Variants in TSC22D1 observed in about 807,000 individuals in gnomAD.
TSC22D1 encodes the protein TSC22 domain family member 1, also known as TSC22 domain family protein 1.
Under a neutral mutation model 74.2 loss-of-function variants are expected in TSC22D1, and 9 were observed. That is an observed-to-expected ratio of 0.12 (90% confidence interval 0.07 to 0.21). The LOEUF (loss-of-function observed/expected upper bound fraction) is 0.21, where lower values mean the gene tolerates loss of function less well. Ranked by LOEUF, TSC22D1 falls within the 10% of genes least tolerant of loss-of-function variation. The pLI is 1.00. For missense variants in TSC22D1, 1,427 were observed against 1,304.7 expected, an observed-to-expected ratio of 1.09 and a Z score of -1.44; for synonymous variants, 586 against 492.5, an observed-to-expected ratio of 1.19 and a Z score of -2.51.
At position 44,520,671 on chromosome 13, in the gene TSC22D1, T is replaced by C. The variant is rs113435869; in HGVS notation, c.2912+52492A>G. Among the ~76,000 whole-genome samples the C allele has an allele frequency of 5.3e-3, 806 of 152,260 alleles. 1 individual carries two copies. The highest frequency in any genetic ancestry group is 0.01 in the Middle Eastern group (3 of 294). Reference sequence around the variant, plus strand: ...CTCAGATAGCAGAGGTGATAAGATATAGAGCATAGGTGAAGCTGAAGGAAG... The same window carrying C: ...CTCAGATAGCAGAGGTGATAAGATACAGAGCATAGGTGAAGCTGAAGGAAG... On this transcript the variant is annotated intron_variant, in intron 1 of 2. Transcript: ENST00000458659.
At chr13:44,517,873 T>TTTTTTTTTTTTTC (rs1161219206) in intron 1 of TSC22D1, among the ~76,000 whole-genome samples, 2 of 109,418 alleles carry the variant, frequency 1.8e-5, no homozygotes, top group Non-Finnish European at 3.9e-5. Context: ...TTTTTTTTTT[T>TTTTTTTTTTTTTC]TTTTTTAACA....
intron 1 of TSC22D1, among the ~76,000 whole-genome samples, chr13:44,442,429 C>T (rs1485466977): frequency 6.6e-6 from 1 of 151,986 alleles, no homozygotes; most frequent in Non-Finnish European, 1.5e-5. Flanking sequence ...TAGAGGAAAA[C>T]ATTAGCATAT....
At chr13:44,525,033 C>T (rs1211972566) in intron 1 of TSC22D1, among the ~76,000 whole-genome samples, 2 of 152,150 alleles carry the variant, frequency 1.3e-5, no homozygotes, top group East Asian at 1.9e-4. Flanking sequence ...TAACCAACAG[C>T]GGGTATATCA....
chr13:44,441,891 C>T (rs1875233324), intron 1 of TSC22D1, among the ~76,000 whole-genome samples: 1 of 152,038 alleles, frequency 6.6e-6, no homozygotes, highest in African/African-American at 2.4e-5. Flanking sequence ...AGGAAACTAC[C>T]CGAGGCTGGG....
At chr13:44,549,197 T>G (rs1882032008) in intron 1 of TSC22D1, among the ~76,000 whole-genome samples, 1 of 152,144 alleles carries the variant, frequency 6.6e-6, no homozygotes, top group Non-Finnish European at 1.5e-5. Flanking sequence ...TTGCCTTATC[T>G]CAACTTGAAT....
At chr13:44,486,919 G>A (rs1163749339) in intron 1 of TSC22D1, among the ~76,000 whole-genome samples, 1 of 151,972 alleles carries the variant, frequency 6.6e-6, no homozygotes, top group East Asian at 1.9e-4. Context: ...TCTAAAATAT[G>A]CTATGAAGTA....
At chr13:44,547,718 T>G (rs1262349139) in intron 1 of TSC22D1, among the ~76,000 whole-genome samples, 4 of 152,192 alleles carry the variant, frequency 2.6e-5, no homozygotes, top group African/African-American at 4.8e-5. Flanking sequence ...AGGTAAATAT[T>G]CATAACTTTT....
chr13:44,439,237 C>T (rs1490861607), intron 1 of TSC22D1, among the ~76,000 whole-genome samples: 1 of 152,228 alleles, frequency 6.6e-6, no homozygotes, highest in Non-Finnish European at 1.5e-5. Flanking sequence ...CTTCTACATA[C>T]ATCCTTGAAC....
At chr13:44,512,679 A>AT (rs1462197729) in intron 1 of TSC22D1, among the ~76,000 whole-genome samples, 2 of 151,782 alleles carry the variant, frequency 1.3e-5, no homozygotes, top group East Asian at 3.9e-4. Context: ...GTTTTTTGAG[A>AT]TGGAGTCTTG....
At chr13:44,511,514 A>C (rs1879713764) in intron 1 of TSC22D1, among the ~76,000 whole-genome samples, 1 of 152,180 alleles carries the variant, frequency 6.6e-6, no homozygotes. Context: ...AGTTTTATTT[A>C]TCGCTAACAT....
chr13:44,514,571 A>C lies in TSC22D1; in HGVS notation c.2912+58592T>G, dbSNP rs147048775. 1.1e-4 allele frequency among the ~76,000 whole-genome samples: 17 copies of C among 152,148 alleles called. No individual in the cohort carries two copies. In the East Asian group the frequency reaches 2.5e-3, roughly 23 times the overall value. On this transcript the variant is annotated intron_variant, in intron 1 of 2. Coordinates refer to ENST00000458659, the MANE Select transcript of TSC22D1 (RefSeq NM_183422.4). ...CGGAAACACAAATATTTATAAAAAG[A>C]AGTTTAGGCCAGGTACCGTGACTCA... is the stretch of plus-strand genomic sequence containing the variant.
rs1362404930 is a variant in TSC22D1, at chr13:44,433,797, T to C, written c.*829A>G. The C allele has an allele frequency of 3.6e-6, 2 of 549,284 alleles. No homozygotes were observed. The highest frequency in any genetic ancestry group is 6.1e-6 in the Non-Finnish European group (2 of 326,810). The allele number at this position is 549,284 out of a possible 1,614,324, so 34.0% of individuals were successfully genotyped here. The stretch of plus-strand genomic sequence containing the variant: ...TCAGATTACACAAAGTGAGTAACTG[T>C]GCCAAATTCTTAAAATTTCTTTAGG... On this transcript the variant is annotated 3_prime_UTR_variant, in exon 3 of 3. Coordinates refer to ENST00000458659, the MANE Select transcript of TSC22D1 (RefSeq NM_183422.4).
At chr13:44,490,496 T>G (rs750861927) in intron 1 of TSC22D1, among the ~76,000 whole-genome samples, 1 of 151,972 alleles carries the variant, frequency 6.6e-6, no homozygotes, top group Non-Finnish European at 1.5e-5. Flanking sequence ...TAATTAAAGA[T>G]ATAAATGTTC....
chr13:44,470,224 T>C (rs1285793038), intron 1 of TSC22D1, among the ~76,000 whole-genome samples: 1 of 152,160 alleles, frequency 6.6e-6, no homozygotes, highest in African/African-American at 2.4e-5. Context: ...AAATCTTTTA[T>C]AACAGGTTCG....
intron 1 of TSC22D1, among the ~76,000 whole-genome samples, chr13:44,517,302 G>A (rs952491042): frequency 6.6e-6 from 1 of 150,766 alleles, no homozygotes; most frequent in African/African-American, 2.4e-5. Flanking sequence ...GAGAGCAATA[G>A]TAACCATCGT....
rs1874560496 is a variant in TSC22D1, at chr13:44,435,855, C to T, written c.2964+189G>A. 2.6e-5 allele frequency: 17 copies of T among 644,512 alleles called. 2 individuals are homozygous for T. The South Asian group carries it at 3.1e-4, about 12-fold the overall frequency. The allele number at this position is 644,512 out of a possible 1,614,324, so 39.9% of individuals were successfully genotyped here. A position where few individuals can be genotyped will look rare whatever the true frequency, so the allele number is the denominator to read the frequency against. On this transcript the variant is annotated intron_variant, in intron 2 of 2. Transcript: ENST00000458659. ...AGAAGACCATTTAATACCCGCAGGG[C>T]CCCTTTCTCCCTCCACGGCTGCCGT...
intron 1 of TSC22D1, among the ~76,000 whole-genome samples, chr13:44,522,327 G>C (rs1426494961): frequency 6.6e-6 from 1 of 152,138 alleles, no homozygotes; most frequent in African/African-American, 2.4e-5. Context: ...AAAGAATTTG[G>C]ATTTTGTTGT....
rs557749578 is a variant in TSC22D1, at chr13:44,537,741, C to T, written c.2912+35422G>A. 5.9e-5 allele frequency: 58 copies of T among 982,720 alleles called. No individual in the cohort carries two copies. In the South Asian group the frequency reaches 2.3e-3, roughly 39 times the overall value. 60.9% of individuals were successfully genotyped at this position (982,720 alleles called of 1,614,324 possible). A position where few individuals can be genotyped will look rare whatever the true frequency, so the allele number is the denominator to read the frequency against. On this transcript the variant is annotated intron_variant, in intron 1 of 2. Transcript: ENST00000458659. ...AGTTCAAATTGAACCTTTAAACTTA[C>T]TTTTAAATACTATACTTAACAAAAA...
chr13:44,456,810 A>C (rs766837634), intron 1 of TSC22D1, among the ~76,000 whole-genome samples: 3 of 152,246 alleles, frequency 2.0e-5, no homozygotes, highest in Non-Finnish European at 2.9e-5. Flanking sequence ...AAAGTTGAAG[A>C]ACTATCTCAG....
Sources: allele counts gnomAD v4.1 joint callset (sites outside exome capture counted in the v4.1 genomes callset), GRCh38; gene constraint gnomAD v4.1.1; transcripts MANE v1.5; gene names NCBI Gene and HGNC (gene_info 2026-07-23, HGNC 2026-07-21).